The following HTATIP2 variants were observed in gnomAD, a reference collection of about 807,000 sequenced individuals.
HTATIP2 encodes HIV-1 Tat interactive protein 2.
In HTATIP2, 26 loss-of-function variants were observed where a neutral mutation model predicts 24.7. That is an observed-to-expected ratio of 1.05 (90% CI 0.77 to 1.46). The LOEUF (loss-of-function observed/expected upper bound fraction) is 1.46, where lower values mean the gene tolerates loss of function less well. Among genes scored for constraint, HTATIP2 ranks in the 40% most tolerant of loss-of-function variants. The pLI, the probability that HTATIP2 is intolerant of heterozygous loss-of-function variation, is 0.00. For missense variants in HTATIP2, 284 were observed against 289.6 expected (o/e 0.98, Z 0.14); for synonymous variants, 99 against 113.2 (o/e 0.87, Z 0.79).
chr11:20,370,808 C>T (rs1230365461), intron 2 of HTATIP2, among the ~76,000 whole-genome samples: 3 of 152,112 alleles, frequency 2.0e-5, no homozygotes, highest in Non-Finnish European at 4.4e-5. Context: ...CACCACCATG[C>T]CCAGCTAATT....
chr11:20,365,219 C>T (rs540809868), intron 1 of HTATIP2, among the ~76,000 whole-genome samples: 1 of 152,242 alleles, frequency 6.6e-6, no homozygotes, highest in South Asian at 2.1e-4. Context: ...GAACTCTTGA[C>T]CTCAGATGAT....
chr11:20,375,562 C>T (rs1848432329), intron 2 of HTATIP2, among the ~76,000 whole-genome samples: 1 of 152,160 alleles, frequency 6.6e-6, no homozygotes, highest in South Asian at 2.1e-4. Context: ...CAGAGCAAGA[C>T]TGTCTCAATC....
chr11:20,377,918 G>T (rs1848468506), intron 3 of HTATIP2, among the ~76,000 whole-genome samples: 1 of 152,072 alleles, frequency 6.6e-6, no homozygotes. Flanking sequence ...TTAAATCCTT[G>T]CACCATTCTT....
intron 2 of HTATIP2, among the ~76,000 whole-genome samples, chr11:20,374,634 T>C (rs966449472): frequency 1.2e-4 from 18 of 152,200 alleles, no homozygotes; most frequent in African/African-American, 3.1e-4. Flanking sequence ...TGTGATTACA[T>C]TGGGCCCACA....
chr11:20,363,859 G>T lies in HTATIP2; in HGVS notation c.-379G>T. 8.0e-7 allele frequency: 1 copy of T among 1,244,946 alleles called. No homozygotes were observed. Among genetic ancestry groups the T allele is most frequent in the Non-Finnish European group, 1.0e-6 (1 of 991,392 alleles). The allele number at this position is 1,244,946 out of a possible 1,614,324, so 77.1% of individuals were successfully genotyped here. On this transcript the variant is annotated 5_prime_UTR_variant, in exon 1 of 5. Transcript: ENST00000451739. Reference sequence around the variant, plus strand: ...GCGCGGCGGCGGCGGCTGCTCTGGCGGCCGCCCTGCTCCTGCTGCGTCGTG... The same window carrying T: ...GCGCGGCGGCGGCGGCTGCTCTGGCTGCCGCCCTGCTCCTGCTGCGTCGTG...
intron 3 of HTATIP2, among the ~76,000 whole-genome samples, chr11:20,379,609 A>G (rs1434347903): frequency 6.6e-6 from 1 of 152,122 alleles, no homozygotes; most frequent in Admixed American, 6.5e-5. Context: ...TGGATCAATC[A>G]TGTGCTTTAT....
Position 20,364,162 on chromosome 11 carries a change from C to T in HTATIP2, c.-76C>T. ...ATCCTCCTCCCTAACAGATAAACAG[C>T]CCTTGTTCCTCGGGATAAGGACTGG... On this transcript the variant is annotated 5_prime_UTR_variant, in exon 1 of 5. Transcript: ENST00000451739. 1 of 1,510,800 alleles carries T rather than the reference C, an allele frequency of 6.6e-7. No individual in the cohort carries two copies. The highest frequency in any genetic ancestry group is 8.9e-7 in the Non-Finnish European group (1 of 1,127,218). 93.6% of individuals were successfully genotyped at this position (1,510,800 alleles called of 1,614,324 possible).
intron 2 of HTATIP2, among the ~76,000 whole-genome samples, chr11:20,375,012 G>A (rs1848423055): frequency 6.6e-6 from 1 of 152,080 alleles, no homozygotes; most frequent in South Asian, 2.1e-4. Flanking sequence ...TTTCATTAGC[G>A]AGAGAGGGTG....
chr11:20,376,744 C>T (rs1467096247), intron 3 of HTATIP2, 27 bp downstream of exon 3: 3 of 1,580,634 alleles, frequency 1.9e-6, no homozygotes, highest in Non-Finnish European at 2.6e-6. Flanking sequence ...GTTTTTCATA[C>T]ACTTTGGAGA....
rs1219203175 is a variant in HTATIP2, at chr11:20,364,423, T to C, written c.186T>C (p.Tyr62=). The C allele has an allele frequency of 6.2e-7, 1 of 1,606,620 alleles. No homozygotes were observed. The highest frequency in any genetic ancestry group is 1.3e-5 in the African/African-American group (1 of 74,576). ...RRKLTFDEEA[Y]KNVNQEVVDF... ...AGCTCACCTTCGACGAGGAAGCTTA[T>C]AAAAATGTGGTGGGTATTTCAGCTG... The change falls in exon 1 of 5, where the codon TAT becomes TAC. Residue 62 remains tyrosine (Y), a synonymous_variant. Transcript: ENST00000451739.
At chr11:20,379,058 AACAACAAC>A (rs899995215) in intron 3 of HTATIP2, among the ~76,000 whole-genome samples, 22 of 1,570 alleles carry the variant, frequency 0.014, no homozygotes, top group African/African-American at 0.032. Flanking sequence ...AAACAAAACA[AACAACAAC>A]AACAACAACA....
chr11:20,377,187 C>T (rs897703861), intron 3 of HTATIP2, among the ~76,000 whole-genome samples: 2 of 148,856 alleles, frequency 1.3e-5, no homozygotes, highest in Non-Finnish European at 3.0e-5. Flanking sequence ...GATCTTGGCT[C>T]GCTGCAGCCT....
chr11:20,380,394 T>C (rs7936865), intron 3 of HTATIP2, among the ~76,000 whole-genome samples: 132,630 of 152,196 alleles, frequency 0.87, 58,650 homozygotes, highest in Non-Finnish European at 0.95. Context: ...AGAAATGGGC[T>C]GGGCGCGGTG....
intron 2 of HTATIP2, among the ~76,000 whole-genome samples, chr11:20,373,531 T>G (rs1251487265): frequency 3.3e-5 from 5 of 152,296 alleles, no homozygotes; most frequent in Admixed American, 6.5e-5. Context: ...CTTTCCCTTA[T>G]TTTTAAAGAA....
Position 20,364,344 on chromosome 11 carries a change from A to T in HTATIP2, c.107A>T (p.Lys36Met). 5.6e-6 allele frequency: 9 copies of T among 1,613,772 alleles called. No homozygotes were observed. The highest frequency in any genetic ancestry group is 7.6e-6 in the Non-Finnish European group (9 of 1,179,758). The change falls in exon 1 of 5, where the codon AAG (lysine) becomes ATG (methionine). Residue 36 changes from lysine to methionine, a missense_variant. By Grantham distance (95) the Lys-to-Met change is moderately conservative. Coordinates refer to ENST00000451739, the MANE Select transcript of HTATIP2 (RefSeq NM_001098522.2). ...ASGETGRVLLKEILEQGLFSK... is the reference protein window; with the variant it reads ...ASGETGRVLLMEILEQGLFSK... ...GGAGAAACCGGCAGAGTGCTCTTAA[A>T]GGAAATCCTGGAGCAGGGCCTGTTT...
intron 1 of HTATIP2, among the ~76,000 whole-genome samples, chr11:20,365,499 TAAC>T (rs2064689871): frequency 1.3e-5 from 2 of 152,232 alleles, no homozygotes; most frequent in African/African-American, 4.8e-5. Context: ...ACATTTCAAA[TAAC>T]AAGCCATCTT....
chr11:20,373,232 C>T (rs904966025), intron 2 of HTATIP2, among the ~76,000 whole-genome samples: 1 of 151,910 alleles, frequency 6.6e-6, no homozygotes, highest in Non-Finnish European at 1.5e-5. Context: ...CTTCAAGGAG[C>T]GGTTGTCAGT....
At chr11:20,367,443 A>C (rs2064723550) in intron 2 of HTATIP2, 162 bp downstream of exon 2, 1 of 1,495,396 alleles carries the variant, frequency 6.7e-7, no homozygotes. Flanking sequence ...TATCCTTTTA[A>C]TAGTACTGAT....
intron 3 of HTATIP2, 36 bp downstream of exon 3, chr11:20,376,753 G>A (rs1279383738): frequency 1.9e-6 from 3 of 1,552,930 alleles, no homozygotes; most frequent in Admixed American, 2.0e-5. Context: ...ACACTTTGGA[G>A]AACCCTAGCT....
Sources: allele counts gnomAD v4.1 joint callset (sites outside exome capture counted in the v4.1 genomes callset), GRCh38; gene constraint gnomAD v4.1.1; transcripts MANE v1.5; gene names NCBI Gene and HGNC (gene_info 2026-07-23, HGNC 2026-07-21).